The following THRB variants were observed in gnomAD, a reference collection of about 807,000 sequenced individuals.
THRB encodes thyroid hormone receptor beta.
A neutral mutation model predicts 47.8 loss-of-function variants in THRB; 12 were observed. That is an observed-to-expected ratio of 0.25 (90% CI 0.16 to 0.41). THRB has a LOEUF of 0.41. THRB is among the 10% of genes least tolerant of loss of function. The probability of loss-of-function intolerance (pLI) is 1.00; values close to 1 mark genes in which losing one functional copy is unlikely to be tolerated. For synonymous variants in THRB, 218 were observed against 212.2 expected, an observed-to-expected ratio of 1.03 and a Z score of -0.24; for missense variants, 348 against 589.2, an observed-to-expected ratio of 0.59 and a Z score of 4.24.
chr3:24,159,660 T>G (rs1288004315), intron 5 of THRB, among the ~76,000 whole-genome samples: 1 of 151,918 alleles, frequency 6.6e-6, no homozygotes, highest in Non-Finnish European at 1.5e-5. Context: ...GGTCCTCGAG[T>G]GGGGATGATT....
At chr3:24,335,357 T>C (rs2062181658) in intron 2 of THRB, among the ~76,000 whole-genome samples, 1 of 152,198 alleles carries the variant, frequency 6.6e-6, no homozygotes. Flanking sequence ...CAAAAAATAT[T>C]AGAACAGCAT....
chr3:24,130,911 G>A (rs1048547653), intron 9 of THRB, among the ~76,000 whole-genome samples: 1 of 152,158 alleles, frequency 6.6e-6, no homozygotes, highest in African/African-American at 2.4e-5. Flanking sequence ...TATGGTAGAT[G>A]TATTCTTTGG....
chr3:24,164,225 A>G (rs995611928), intron 5 of THRB, among the ~76,000 whole-genome samples: 2 of 152,146 alleles, frequency 1.3e-5, no homozygotes, highest in African/African-American at 4.8e-5. Flanking sequence ...CTTATTTTTC[A>G]GTAATACAAG....
intron 1 of THRB, among the ~76,000 whole-genome samples, chr3:24,377,153 C>T (rs566652884): frequency 1.1e-3 from 174 of 152,010 alleles, no homozygotes; most frequent in African/African-American, 4.1e-3. Flanking sequence ...CTTTGTTGCC[C>T]AGGCTGGTTT....
intron 5 of THRB, among the ~76,000 whole-genome samples, chr3:24,160,128 T>G (rs143323940): frequency 2.3e-4 from 35 of 152,198 alleles, no homozygotes; most frequent in African/African-American, 8.4e-4. Flanking sequence ...CACCAGGGTG[T>G]GGCTGGCAGT....
intron 1 of THRB, among the ~76,000 whole-genome samples, chr3:24,488,555 TTC>T (rs1560314103): frequency 1.4e-5 from 2 of 145,270 alleles, no homozygotes; most frequent in African/African-American, 2.7e-5. Flanking sequence ...TGAATTTGCC[TTC>T]TTTTTTTTTT....
intron 2 of THRB, among the ~76,000 whole-genome samples, chr3:24,304,346 G>A (rs1316312251): frequency 6.6e-6 from 1 of 151,924 alleles, no homozygotes; most frequent in Non-Finnish European, 1.5e-5. Flanking sequence ...ATCTTAGATC[G>A]TAAGCAAATA....
chr3:24,259,669 G>A (rs1232669178), intron 3 of THRB, among the ~76,000 whole-genome samples: 1 of 106,054 alleles, frequency 9.4e-6, no homozygotes, highest in African/African-American at 3.6e-5. Flanking sequence ...ACTCCTAAAA[G>A]TTATTTCCCA....
At chr3:24,229,193 C>T (rs904553228) in intron 3 of THRB, among the ~76,000 whole-genome samples, 192 bp from the exon 4 acceptor site, 3 of 152,176 alleles carry the variant, frequency 2.0e-5, no homozygotes, top group African/African-American at 7.2e-5. Context: ...TAATTTTCAT[C>T]TCAGGGTTCC....
chr3:24,124,111 T>G (rs1402521023), intron 10 of THRB, among the ~76,000 whole-genome samples: 1 of 152,154 alleles, frequency 6.6e-6, no homozygotes, highest in Non-Finnish European at 1.5e-5. Flanking sequence ...AATTCACACT[T>G]CAAAGGTCCA....
At position 24,228,998 on chromosome 3, in the gene THRB, TCTC is replaced by T; in HGVS notation, c.-42_-40del. The T allele has an allele frequency of 2.6e-6, 4 of 1,560,488 alleles. No individual in the cohort carries two copies. The highest frequency in any genetic ancestry group is 3.5e-6 in the Non-Finnish European group (4 of 1,142,952). On this transcript the variant is annotated splice_region_variant and 5_prime_UTR_variant, in exon 4 of 11. Coordinates refer to ENST00000646209, the MANE Select transcript of THRB (RefSeq NM_001354712.2). ...TTCTGGATCCCTTTTTTCACTGACA[TCTC>T]CTACAAGGAAAAAATACAAAAAAAA...
chr3:24,478,337 C>G (rs1695799151), intron 1 of THRB, among the ~76,000 whole-genome samples: 1 of 152,164 alleles, frequency 6.6e-6, no homozygotes, highest in South Asian at 2.1e-4. Context: ...TGTACCCAAG[C>G]ATACCTCTGG....
chr3:24,341,232 T>TG (rs34988320), intron 1 of THRB, among the ~76,000 whole-genome samples: 4 of 35,768 alleles, frequency 1.1e-4, no homozygotes, highest in African/African-American at 7.1e-4. Context: ...TGAGATTACC[T>TG]TTTTTTTTTT....
chr3:24,393,229 G>A (rs2066711172), intron 1 of THRB, among the ~76,000 whole-genome samples: 1 of 152,168 alleles, frequency 6.6e-6, no homozygotes, highest in Admixed American at 6.6e-5. Context: ...CCATGAAAGA[G>A]AAGATCAGTT....
chr3:24,255,557 G>C (rs1426956052), intron 3 of THRB, among the ~76,000 whole-genome samples: 7 of 152,290 alleles, frequency 4.6e-5, no homozygotes, highest in African/African-American at 1.7e-4. Context: ...AGTGATGAGT[G>C]GGATGAGACT....
intron 9 of THRB, among the ~76,000 whole-genome samples, chr3:24,132,331 C>T (rs2033988993): frequency 2.0e-5 from 3 of 152,084 alleles, no homozygotes; most frequent in African/African-American, 4.8e-5. Flanking sequence ...TTCCAGAAAA[C>T]ATAACCCCAT....
rs145992844 is a variant in THRB at position 24,202,093 on chromosome 3, G to C, written c.23-11759C>G. 5.0e-4 allele frequency among the ~76,000 whole-genome samples: 76 copies of C among 152,220 alleles called. 1 individual carries two copies. The highest frequency in any genetic ancestry group is 4.4e-3 in the East Asian group (23 of 5,182). On this transcript the variant is annotated intron_variant, in intron 4 of 10. Coordinates refer to ENST00000646209, the MANE Select transcript of THRB (RefSeq NM_001354712.2). ...CCCAAGTAGGATTAGCTGAGCATGC[G>C]ACACCCTTTATGGGAAGTCAACACT... is the stretch of plus-strand genomic sequence containing the variant.
chr3:24,143,760 G>A, intron 7 of THRB, 54 bp from the exon 8 acceptor site: 1 of 1,585,218 alleles, frequency 6.3e-7, no homozygotes, highest in Non-Finnish European at 8.7e-7. Flanking sequence ...AAGATACACA[G>A]CAAGCTGCAC....
chr3:24,281,807 T>C (rs1174367853), intron 3 of THRB, among the ~76,000 whole-genome samples: 3 of 150,184 alleles, frequency 2.0e-5, no homozygotes, highest in Non-Finnish European at 4.4e-5. Flanking sequence ...AAAACAGACT[T>C]TAAACCAACA....
Sources: allele counts gnomAD v4.1 joint callset (sites outside exome capture counted in the v4.1 genomes callset), GRCh38; gene constraint gnomAD v4.1.1; transcripts MANE v1.5; gene names NCBI Gene and HGNC (gene_info 2026-07-23, HGNC 2026-07-21).